Variants in MAF observed in about 807,000 individuals in gnomAD.
MAF encodes MAF bZIP transcription factor, also known as transcription factor Maf.
A neutral mutation model predicts 22.0 loss-of-function variants in MAF; 10 were observed. That is an observed-to-expected ratio of 0.45 (90% confidence interval 0.28 to 0.77). MAF has a LOEUF of 0.77. Ranked by LOEUF, MAF falls within the 30% of genes least tolerant of loss-of-function variation. MAF has a pLI of 0.12. For synonymous variants in MAF, 337 were observed against 255.8 expected, an observed-to-expected ratio of 1.32 and a Z score of -3.03; for missense variants, 544 against 548.4, an observed-to-expected ratio of 0.99 and a Z score of 0.08.
chr16:79,456,386 G>A, the MAF span, among the ~76,000 whole-genome samples: 22 of 152,184 alleles, frequency 1.4e-4, no homozygotes, highest in East Asian at 1.9e-4. Flanking sequence ...ATAGAAATAC[G>A]CCCATTCTGT....
chr16:79,413,095 A>T, the MAF span, among the ~76,000 whole-genome samples: 1 of 152,076 alleles, frequency 6.6e-6, no homozygotes, highest in African/African-American at 2.4e-5. Context: ...TTTCTTTCTC[A>T]TAAACTCATA....
chr16:79,481,053 CTTAG>C, the MAF span, among the ~76,000 whole-genome samples: 2 of 152,156 alleles, frequency 1.3e-5, no homozygotes, highest in African/African-American at 4.8e-5. Context: ...TGTTTATTCA[CTTAG>C]TATCAGTCCT....
At chr16:79,299,149 C>T in the MAF span, among the ~76,000 whole-genome samples, 4 of 152,072 alleles carry the variant, frequency 2.6e-5, no homozygotes, top group East Asian at 1.9e-4. Context: ...TTTTATACAG[C>T]CCTGTTTAGA....
chr16:79,425,285 C>A, the MAF span, among the ~76,000 whole-genome samples: 2 of 152,084 alleles, frequency 1.3e-5, no homozygotes, highest in Non-Finnish European at 2.9e-5. Context: ...TTTTGTGTCA[C>A]TCCATGATGT....
At chr16:79,561,931 A>G in the MAF span, among the ~76,000 whole-genome samples, 1 of 152,166 alleles carries the variant, frequency 6.6e-6, no homozygotes, top group African/African-American at 2.4e-5. Context: ...GCTGGGTACA[A>G]GCGAGCCAAG....
At chr16:79,400,995 G>A in the MAF span, among the ~76,000 whole-genome samples, 5 of 152,126 alleles carry the variant, frequency 3.3e-5, no homozygotes, top group African/African-American at 1.2e-4. Flanking sequence ...CCAGCCCTGG[G>A]GCCACAGACT....
At chr16:79,422,666 G>C in the MAF span, among the ~76,000 whole-genome samples, 2 of 152,124 alleles carry the variant, frequency 1.3e-5, no homozygotes, top group Non-Finnish European at 2.9e-5. Context: ...CCTTTGGGGG[G>C]CATATCTGGC....
At chr16:79,394,028 A>G in the MAF span, among the ~76,000 whole-genome samples, 1 of 152,200 alleles carries the variant, frequency 6.6e-6, no homozygotes, top group African/African-American at 2.4e-5. Context: ...ACCCTATTTC[A>G]CAGAAGAGGA....
intron 1 of MAF, chr16:79,598,568 G>C: frequency 9.7e-6 from 14 of 1,436,478 alleles, no homozygotes; most frequent in African/African-American, 2.9e-5. Flanking sequence ...CCACAAACTC[G>C]AGCAGGGTGT....
At chr16:79,500,390 C>G in the MAF span, among the ~76,000 whole-genome samples, 3 of 152,294 alleles carry the variant, frequency 2.0e-5, no homozygotes, top group African/African-American at 7.2e-5. Context: ...TCTGTCTGCA[C>G]AACAGCCTTC....
the MAF span, among the ~76,000 whole-genome samples, chr16:79,576,250 A>C: frequency 1.1e-4 from 17 of 150,322 alleles, no homozygotes; most frequent in South Asian, 3.1e-3. Context: ...AAAAAAAAAA[A>C]AAAAAAAAAG....
chr16:79,410,378 T>C, the MAF span, among the ~76,000 whole-genome samples: 1 of 152,266 alleles, frequency 6.6e-6, no homozygotes, highest in African/African-American at 2.4e-5. Context: ...AATAGCCACA[T>C]GCCATTAGTG....
At chr16:79,308,427 G>C in the MAF span, among the ~76,000 whole-genome samples, 1 of 152,118 alleles carries the variant, frequency 6.6e-6, no homozygotes, top group Non-Finnish European at 1.5e-5. Context: ...CTGCAGGCAG[G>C]CTAAATAACC....
At chr16:79,410,250 G>T in the MAF span, among the ~76,000 whole-genome samples, 3 of 152,140 alleles carry the variant, frequency 2.0e-5, no homozygotes, top group Admixed American at 1.3e-4. Flanking sequence ...ACATGGCTGC[G>T]CTGGAATCTC....
At chr16:79,302,160 A>G in the MAF span, among the ~76,000 whole-genome samples, 1 of 152,228 alleles carries the variant, frequency 6.6e-6, no homozygotes, top group Admixed American at 6.5e-5. Context: ...CCAGCCTGGT[A>G]GCCACGAGAT....
chr16:79,215,290 C>G, the MAF span, among the ~76,000 whole-genome samples: 1 of 152,082 alleles, frequency 6.6e-6, no homozygotes, highest in Non-Finnish European at 1.5e-5. Flanking sequence ...CTATGTTGAC[C>G]AGGCTAGTCT....
At chr16:79,516,943 T>C in the MAF span, among the ~76,000 whole-genome samples, 1 of 152,216 alleles carries the variant, frequency 6.6e-6, no homozygotes, top group Admixed American at 6.5e-5. Context: ...TAGGAAAAGG[T>C]TGAGAACCTC....
At chr16:79,290,947 G>T in the MAF span, among the ~76,000 whole-genome samples, 8 of 151,988 alleles carry the variant, frequency 5.3e-5, no homozygotes, top group Non-Finnish European at 8.8e-5. Flanking sequence ...AATTTTACAT[G>T]CTTCCTCCGA....
At chr16:79,291,774 C>T in the MAF span, among the ~76,000 whole-genome samples, 2 of 146,110 alleles carry the variant, frequency 1.4e-5, no homozygotes, top group East Asian at 4.0e-4. Context: ...ATATTGAGTA[C>T]ATACTAGATG....
Sources: allele counts gnomAD v4.1 joint callset (sites outside exome capture counted in the v4.1 genomes callset), GRCh38; gene constraint gnomAD v4.1.1; transcripts MANE v1.5; gene names NCBI Gene and HGNC (gene_info 2026-07-23, HGNC 2026-07-21).